Variants in ARHGAP15 observed in about 807,000 individuals in gnomAD.
ARHGAP15 encodes rho GTPase-activating protein 15.
A neutral mutation model predicts 63.7 loss-of-function variants in ARHGAP15; 51 were observed. The observed-to-expected ratio is 0.80, with a 90% CI of 0.64 to 1.01. ARHGAP15 has a LOEUF of 1.01. ARHGAP15 is among the 50% of genes least tolerant of loss of function. The pLI is 0.00. For synonymous variants in ARHGAP15, 191 were observed against 193.8 expected, an observed-to-expected ratio of 0.99 and a Z score of 0.12; for missense variants, 560 against 564.6, an observed-to-expected ratio of 0.99 and a Z score of 0.08.
intron 1 of ARHGAP15, among the ~76,000 whole-genome samples, chr2:143,149,912 TGC>T (rs1162786059): frequency 6.6e-6 from 1 of 152,088 alleles, no homozygotes; most frequent in Non-Finnish European, 1.5e-5. Context: ...CAGAAAGACT[TGC>T]ATGATACATA....
chr2:143,158,341 A>G (rs966741355), intron 2 of ARHGAP15, among the ~76,000 whole-genome samples: 4 of 151,944 alleles, frequency 2.6e-5, no homozygotes, highest in Non-Finnish European at 5.9e-5. Flanking sequence ...GAGGAATGCT[A>G]TGAAATGCCA....
intron 9 of ARHGAP15, among the ~76,000 whole-genome samples, chr2:143,493,474 T>C (rs1263962675): frequency 1.3e-5 from 2 of 152,236 alleles, no homozygotes; most frequent in Non-Finnish European, 2.9e-5. Context: ...GCTCTATCAT[T>C]TGCTTATAAT....
chr2:143,280,632 G>A (rs1212752385), intron 6 of ARHGAP15, among the ~76,000 whole-genome samples: 1 of 152,058 alleles, frequency 6.6e-6, no homozygotes, highest in East Asian at 1.9e-4. Flanking sequence ...TTTTCCTAGT[G>A]TTACCAGCTT....
chr2:143,393,790 A>G (rs983896998), intron 6 of ARHGAP15, among the ~76,000 whole-genome samples: 3 of 151,580 alleles, frequency 2.0e-5, no homozygotes, highest in Non-Finnish European at 4.4e-5. Flanking sequence ...GGTGTCTTTC[A>G]CAGGACTGTC....
chr2:143,379,706 A>AT (rs1211128085), intron 6 of ARHGAP15, among the ~76,000 whole-genome samples: 1 of 152,014 alleles, frequency 6.6e-6, no homozygotes, highest in East Asian at 1.9e-4. Context: ...TAAAAATTAA[A>AT]TTGAAAATAA....
intron 6 of ARHGAP15, among the ~76,000 whole-genome samples, chr2:143,334,447 C>G (rs891994590): frequency 1.3e-5 from 2 of 152,052 alleles, no homozygotes; most frequent in African/African-American, 4.8e-5. Flanking sequence ...ACATATGTGT[C>G]CATTTTTTTC....
At chr2:143,146,649 A>G (rs1052974187) in intron 1 of ARHGAP15, among the ~76,000 whole-genome samples, 6 of 152,074 alleles carry the variant, frequency 3.9e-5, no homozygotes, top group African/African-American at 1.4e-4. Flanking sequence ...TTTAAAATGT[A>G]TTTTACTCAT....
chr2:143,762,564 A>G (rs1179325347), intron 13 of ARHGAP15, among the ~76,000 whole-genome samples: 1 of 152,118 alleles, frequency 6.6e-6, no homozygotes, highest in African/African-American at 2.4e-5. Flanking sequence ...ACATTTTCAG[A>G]CTTGTATATG....
chr2:143,616,519 A>T (rs1698454439), intron 11 of ARHGAP15, among the ~76,000 whole-genome samples: 1 of 152,220 alleles, frequency 6.6e-6, no homozygotes, highest in South Asian at 2.1e-4. Flanking sequence ...AAGCACACCG[A>T]AAGCAAGCTA....
At chr2:143,331,745 T>C (rs1684558256) in intron 6 of ARHGAP15, among the ~76,000 whole-genome samples, 1 of 152,156 alleles carries the variant, frequency 6.6e-6, no homozygotes, top group Admixed American at 6.5e-5. Context: ...TAAGATTTTC[T>C]TCTGAGGTAA....
chr2:143,299,625 A>G (rs1035162433), intron 6 of ARHGAP15, among the ~76,000 whole-genome samples: 1 of 151,842 alleles, frequency 6.6e-6, no homozygotes, highest in Admixed American at 6.6e-5. Context: ...GCTTCTTTCC[A>G]TGGTACTCTC....
intron 12 of ARHGAP15, among the ~76,000 whole-genome samples, chr2:143,663,932 A>G (rs1039829582): frequency 1.3e-5 from 2 of 152,136 alleles, no homozygotes; most frequent in African/African-American, 2.4e-5. Flanking sequence ...GTGACCTACA[A>G]AGAGATTTAG....
At chr2:143,146,473 G>T (rs1270385419) in intron 1 of ARHGAP15, among the ~76,000 whole-genome samples, 2 of 152,032 alleles carry the variant, frequency 1.3e-5, no homozygotes, top group Non-Finnish European at 2.9e-5. Context: ...TTAGTGGGGT[G>T]AGGTGGGTAG....
Position 143,188,919 on chromosome 2 carries a change from G to A in ARHGAP15, c.166-13215G>A, listed in dbSNP as rs554369699. On this transcript the variant is annotated intron_variant, in intron 2 of 13. Coordinates refer to ENST00000295095, the MANE Select transcript of ARHGAP15 (RefSeq NM_018460.4). The stretch of plus-strand genomic sequence containing the variant: ...GATTACAGGCATGAGCCACCGTGCC[G>A]GCCCCTATGCCTTATTTCTAACGAT... 8.6e-5 allele frequency among the ~76,000 whole-genome samples: 13 copies of A among 151,510 alleles called. No individual in the cohort carries two copies. The South Asian group carries it at 1.0e-3, about 12-fold the overall frequency.
Position 143,242,791 on chromosome 2 carries a change from G to A in ARHGAP15, c.385-7720G>A, listed in dbSNP as rs116204693. Reference sequence around the variant, plus strand: ...ATTAATAAGATCAGGTATCCATTCAGCCCTCTTTCCTAAATCATTTTGCCC... The same window carrying A: ...ATTAATAAGATCAGGTATCCATTCAACCCTCTTTCCTAAATCATTTTGCCC... On this transcript the variant is annotated intron_variant, in intron 5 of 13. Transcript: ENST00000295095. Among the ~76,000 whole-genome samples the A allele has an allele frequency of 5.0e-3, 754 of 152,196 alleles. 6 individuals carry two copies. The highest frequency in any genetic ancestry group is 0.017 in the African/African-American group (715 of 41,508).
chr2:143,263,907 CTTTTTTTTTTTTTTTTTTTTTTTT>C (rs373296096), intron 6 of ARHGAP15, among the ~76,000 whole-genome samples: 1 of 38,420 alleles, frequency 2.6e-5, no homozygotes, highest in South Asian at 1.5e-3. Context: ...AAGCTGCAGT[CTTTTTTTTTTTTTTTTTTTTTTTT>C]TTTTTTTTTT....
chr2:143,232,481 T>C (rs1446687751), intron 5 of ARHGAP15, among the ~76,000 whole-genome samples: 2 of 152,204 alleles, frequency 1.3e-5, no homozygotes, highest in Non-Finnish European at 2.9e-5. Context: ...ATTCTCATAT[T>C]TTTAATGTAT....
intron 11 of ARHGAP15, among the ~76,000 whole-genome samples, chr2:143,562,847 A>C (rs1696086517): frequency 6.6e-6 from 1 of 152,352 alleles, no homozygotes; most frequent in South Asian, 2.1e-4. Context: ...ATTCATGTTC[A>C]TGCACATTTA....
At chr2:143,164,686 C>G (rs993646765) in intron 2 of ARHGAP15, among the ~76,000 whole-genome samples, 1 of 151,872 alleles carries the variant, frequency 6.6e-6, no homozygotes, top group Non-Finnish European at 1.5e-5. Context: ...TCCTCTTCCT[C>G]TTGAATTTCC....
Sources: allele counts gnomAD v4.1 joint callset (sites outside exome capture counted in the v4.1 genomes callset), GRCh38; gene constraint gnomAD v4.1.1; transcripts MANE v1.5; gene names NCBI Gene and HGNC (gene_info 2026-07-23, HGNC 2026-07-21).